Variants in SLC1A1 observed in about 807,000 individuals in gnomAD.
The protein encoded by SLC1A1 is solute carrier family 1 member 1, also known as excitatory amino acid transporter 3.
Under a neutral mutation model 53.3 loss-of-function variants are expected in SLC1A1, and 43 were observed. The ratio of observed to expected loss-of-function variants is 0.81; its 90% CI spans 0.63 to 1.04. The LOEUF is 1.04. Among genes scored for constraint, SLC1A1 ranks in the 50% least tolerant of loss-of-function variants. The pLI is 0.00. For missense variants in SLC1A1, 748 were observed against 664.9 expected (o/e 1.12, Z -1.37); for synonymous variants, 307 against 243.2 (o/e 1.26, Z -2.44).
intron 1 of SLC1A1, among the ~76,000 whole-genome samples, chr9:4,509,089 G>A (rs957055428): frequency 1.3e-5 from 2 of 152,118 alleles, no homozygotes; most frequent in African/African-American, 4.8e-5. Flanking sequence ...GGCTTTAAGG[G>A]GTGGGTAGGA....
intron 1 of SLC1A1, among the ~76,000 whole-genome samples, chr9:4,500,783 A>G (rs377329988): frequency 6.6e-5 from 10 of 152,156 alleles, no homozygotes; most frequent in East Asian, 3.9e-4. Context: ...CTTTACTTTG[A>G]AAATTATCTG....
At position 4,576,572 on chromosome 9, in the gene SLC1A1, A is replaced by G. The variant is rs1241972792; in HGVS notation, c.1002A>G (p.Ser334=). Residue 334 remains serine (S), a synonymous_variant, in exon 10 of 12, where the codon TCA becomes TCG. Coordinates refer to ENST00000262352, the MANE Select transcript of SLC1A1 (RefSeq NM_004170.6). ...LLTALMISSS[S]ATLPVTFRCA... The stretch of plus-strand genomic sequence containing the variant: ...CCTTTCTATTTTTATCACACAGTTC[A>G]GCAACACTGCCTGTCACCTTCCGCT... 3 of 1,613,774 alleles carry G rather than the reference A, an allele frequency of 1.9e-6. No homozygotes were observed. The highest frequency in any genetic ancestry group is 1.1e-5 in the South Asian group (1 of 91,074).
chr9:4,518,979 C>CT (rs1815963273), intron 1 of SLC1A1, among the ~76,000 whole-genome samples: 1 of 152,164 alleles, frequency 6.6e-6, no homozygotes, highest in Non-Finnish European at 1.5e-5. Flanking sequence ...CCGGTTGTGT[C>CT]TAATTGTGTC....
At chr9:4,505,889 A>G (rs1301446431) in intron 1 of SLC1A1, among the ~76,000 whole-genome samples, 2 of 151,936 alleles carry the variant, frequency 1.3e-5, no homozygotes, top group Non-Finnish European at 2.9e-5. Flanking sequence ...AGTGGCACCA[A>G]CTCAGCTCAC....
chr9:4,568,761 G>C (rs1003102040), intron 6 of SLC1A1, among the ~76,000 whole-genome samples: 3 of 151,756 alleles, frequency 2.0e-5, no homozygotes, highest in African/African-American at 7.3e-5. Flanking sequence ...GTGTTCCTAA[G>C]CACAAGAAGA....
At chr9:4,564,497 G>A (rs754235009) in intron 4 of SLC1A1, 39 bp downstream of exon 4, 3 of 1,189,302 alleles carry the variant, frequency 2.5e-6, no homozygotes, top group African/African-American at 1.5e-5. Context: ...AGGGCATGCG[G>A]ATAGCAGCAC....
chr9:4,537,592 ATAAAAT>A (rs1564015919), intron 1 of SLC1A1, among the ~76,000 whole-genome samples: 6 of 39,716 alleles, frequency 1.5e-4, no homozygotes, highest in South Asian at 4.6e-4. Context: ...ATAAAATAAA[ATAAAAT>A]AAAAAAAAAA....
chr9:4,538,171 G>A (rs897447103), intron 1 of SLC1A1, among the ~76,000 whole-genome samples: 1 of 152,154 alleles, frequency 6.6e-6, no homozygotes, highest in Non-Finnish European at 1.5e-5. Context: ...GCCTCAGGAG[G>A]TCCTGAGGAC....
At chr9:4,541,192 T>C (rs1816973890) in intron 1 of SLC1A1, among the ~76,000 whole-genome samples, 1 of 152,214 alleles carries the variant, frequency 6.6e-6, no homozygotes, top group Admixed American at 6.5e-5. Flanking sequence ...CTTGTCAACC[T>C]GAAATAATCA....
rs1821266397 is a variant in SLC1A1 at position 4,583,208 on chromosome 9, T to C, written c.1328+36T>C. 4 of 1,613,998 alleles carry C rather than the reference T, an allele frequency of 2.5e-6. No individual in the cohort carries two copies. The highest frequency in any genetic ancestry group is 3.4e-6 in the Non-Finnish European group (4 of 1,179,900). ...ATAAATGCACTGCCTTAGCTGGATG[T>C]GCAGGCGGGCTTCCCAGCCTCGCAG... On this transcript the variant is annotated intron_variant, in intron 11 of 11. Transcript: ENST00000262352. The surrounding 1 kb of genome is among the most constrained non-coding windows in gnomAD (Gnocchi z 4.6).
chr9:4,506,452 T>C (rs1274332945), intron 1 of SLC1A1, among the ~76,000 whole-genome samples: 1 of 152,210 alleles, frequency 6.6e-6, no homozygotes. Context: ...AAAGATCTTG[T>C]TGCCAATTCA....
intron 1 of SLC1A1, among the ~76,000 whole-genome samples, chr9:4,514,675 G>A (rs1821105621): frequency 6.6e-6 from 1 of 152,136 alleles, no homozygotes; most frequent in African/African-American, 2.4e-5. Flanking sequence ...GTGGGTCAGA[G>A]AGCTTGCATG....
At chr9:4,575,533 A>G (rs1339101409) in intron 8 of SLC1A1, among the ~76,000 whole-genome samples, 2 of 152,172 alleles carry the variant, frequency 1.3e-5, no homozygotes, top group Non-Finnish European at 2.9e-5. Context: ...GATAAGGGGT[A>G]TAATGAGGTA....
intron 1 of SLC1A1, among the ~76,000 whole-genome samples, chr9:4,498,425 T>G (rs1250283373): frequency 2.6e-5 from 4 of 152,146 alleles, no homozygotes. Flanking sequence ...AAGTACACAA[T>G]ACTCCAAAAA....
intron 1 of SLC1A1, among the ~76,000 whole-genome samples, chr9:4,519,442 G>A (rs981557347): frequency 6.6e-6 from 1 of 152,180 alleles, no homozygotes; most frequent in Admixed American, 6.5e-5. Flanking sequence ...TGGTAGAAAT[G>A]GAATTAGAAT....
chr9:4,575,179 C>T (rs934171619), intron 8 of SLC1A1, among the ~76,000 whole-genome samples: 1 of 152,222 alleles, frequency 6.6e-6, no homozygotes, highest in African/African-American at 2.4e-5. Context: ...AGAAGATCCT[C>T]TCGCCAGAAC....
intron 1 of SLC1A1, among the ~76,000 whole-genome samples, chr9:4,526,952 T>C (rs34738080): frequency 0.25 from 38,734 of 151,926 alleles, 6,119 homozygotes; most frequent in South Asian, 0.4. Context: ...CTTTTGCAAA[T>C]GTAATTAAAG....
In SLC1A1 at chr9:4,556,261, C is replaced by A. The variant is rs902378874; in HGVS notation, c.233-5188C>A. 4.6e-5 allele frequency among the ~76,000 whole-genome samples: 7 copies of A among 152,320 alleles called. No homozygotes were observed. In the South Asian group the frequency reaches 1.0e-3, roughly 23 times the overall value. On this transcript the variant is annotated intron_variant, in intron 2 of 11. Transcript: ENST00000262352. This position sits in a 1 kb window ranked among gnomAD's most constrained non-coding sequence, Gnocchi z 4.1. ...TCTCAAACTCCTGACCTCAGGTGATCCACCTGCCTGGGCCTCCCAAAGTGC... is the reference window on the plus strand; with the variant it reads ...TCTCAAACTCCTGACCTCAGGTGATACACCTGCCTGGGCCTCCCAAAGTGC...
Position 4,585,560 on chromosome 9 carries a change from G to A in SLC1A1, c.*2G>A, listed in dbSNP as rs148981203. The A allele has an allele frequency of 5.4e-4, 873 of 1,614,056 alleles. No homozygotes were observed. Among genetic ancestry groups the A allele is most frequent in the Non-Finnish European group, 6.9e-4 (817 of 1,180,030 alleles). On this transcript the variant is annotated 3_prime_UTR_variant, in exon 12 of 12. Coordinates refer to ENST00000262352, the MANE Select transcript of SLC1A1 (RefSeq NM_004170.6). ...TTCACCCAGACCTCACAGTTCTAGGGCCCCTGGCTGCAGATGACTGGAAAC... is the reference window on the plus strand; with the variant it reads ...TTCACCCAGACCTCACAGTTCTAGGACCCCTGGCTGCAGATGACTGGAAAC...
Sources: gnomAD v4.1 joint callset for allele counts (sites outside exome capture counted in the v4.1 genomes callset) on GRCh38, gnomAD v4.1.1 for gene constraint, Gnocchi (gnomAD v3.1) non-coding constraint, MANE v1.5 for transcripts, NCBI Gene and HGNC (gene_info 2026-07-23, HGNC 2026-07-21) for gene names.